Variants in UBE2G1 observed in about 807,000 individuals in gnomAD.
UBE2G1 encodes the protein ubiquitin-conjugating enzyme E2 G1.
A neutral mutation model predicts 22.7 loss-of-function variants in UBE2G1; 5 were observed. The observed-to-expected ratio is 0.22, with a 90% confidence interval of 0.12 to 0.46. UBE2G1 has a LOEUF of 0.46. UBE2G1 is among the 20% of genes least tolerant of loss of function. UBE2G1 has a pLI of 0.99. For synonymous variants in UBE2G1, 74 were observed against 67.5 expected (o/e 1.10, Z -0.47); for missense variants, 88 against 203.9 (o/e 0.43, Z 3.46).
intron 1 of UBE2G1, 91 bp from the exon 2 acceptor site, chr17:4,307,214 G>GT: frequency 2.6e-6 from 3 of 1,147,038 alleles, no homozygotes; most frequent in Non-Finnish European, 3.8e-6. Flanking sequence ...CATGTTTTAT[G>GT]TAAGTTTTAA....
Position 4,306,897 on chromosome 17 carries a change from G to A in UBE2G1, c.149+124C>T, listed in dbSNP as rs112438734. The A allele has an allele frequency of 9.1e-4, 662 of 728,156 alleles. 1 individual carries two copies. In the African/African-American group the frequency reaches 0.01, roughly 11 times the overall value. The allele number at this position is 728,156 out of a possible 1,614,324, so 45.1% of individuals were successfully genotyped here. ...GAACTCCTGACCTCATGATCGGCCC[G>A]CCTTGGCCTCCCAAAGTGCTGGGAT... On this transcript the variant is annotated intron_variant, in intron 2 of 5. Transcript: ENST00000396981.
At chr17:4,360,838 G>A (rs910206914) in intron 1 of UBE2G1, among the ~76,000 whole-genome samples, 1 of 152,174 alleles carries the variant, frequency 6.6e-6, no homozygotes, top group Admixed American at 6.5e-5. Flanking sequence ...TTGAACCTGG[G>A]GAGGCGGAGG....
At chr17:4,341,103 C>T (rs1263833958) in intron 1 of UBE2G1, among the ~76,000 whole-genome samples, 2 of 150,048 alleles carry the variant, frequency 1.3e-5, no homozygotes, top group Non-Finnish European at 3.0e-5. Flanking sequence ...ACTGAGCCAT[C>T]TGGCTCAAAT....
chr17:4,338,272 A>G (rs1447347766), intron 1 of UBE2G1, among the ~76,000 whole-genome samples: 1 of 152,326 alleles, frequency 6.6e-6, no homozygotes, highest in East Asian at 1.9e-4. Flanking sequence ...ATATGAAATT[A>G]GGGACTGAAA....
rs1047286982 is a variant in UBE2G1, at chr17:4,294,437, A to G, written c.247+2280T>C. 9.0e-4 allele frequency among the ~76,000 whole-genome samples: 64 copies of G among 71,334 alleles called. 1 individual carries two copies. Among genetic ancestry groups the G allele is most frequent in the African/African-American group, 2.9e-3 (51 of 17,296 alleles). 46.8% of individuals were successfully genotyped at this position (71,334 alleles called of 152,430 possible). A position where few individuals can be genotyped will look rare whatever the true frequency, so the allele number is the denominator to read the frequency against. On this transcript the variant is annotated intron_variant, in intron 3 of 5. Coordinates refer to ENST00000396981, the MANE Select transcript of UBE2G1 (RefSeq NM_003342.5). ...TCTCAAAAAAAAAAAAAAAAAAAAA[A>G]AAAGAAAGAAACGAAAAGAAAAGAA...
At chr17:4,280,568 T>C (rs1968876247) in intron 5 of UBE2G1, among the ~76,000 whole-genome samples, 1 of 151,664 alleles carries the variant, frequency 6.6e-6, no homozygotes, top group African/African-American at 2.4e-5. Context: ...AGGCTGGTCT[T>C]GTAAGTGATC....
chr17:4,303,581 C>T (rs1025269693), intron 2 of UBE2G1, among the ~76,000 whole-genome samples: 1 of 152,092 alleles, frequency 6.6e-6, no homozygotes, highest in African/African-American at 2.4e-5. Context: ...TGTTCTTGAA[C>T]ACTACGTGAT....
At chr17:4,361,049 C>T (rs982212536) in intron 1 of UBE2G1, among the ~76,000 whole-genome samples, 1 of 151,540 alleles carries the variant, frequency 6.6e-6, no homozygotes, top group Non-Finnish European at 1.5e-5. Context: ...ACGGCGAAAC[C>T]CTGTCTCAAC....
At chr17:4,359,851 C>CAAAA (rs35941094) in intron 1 of UBE2G1, among the ~76,000 whole-genome samples, 1 of 107,500 alleles carries the variant, frequency 9.3e-6, no homozygotes. Flanking sequence ...GGCTCCATCT[C>CAAAA]AAAAAAAAAA....
chr17:4,289,133 ATG>A, intron 4 of UBE2G1, 95 bp downstream of exon 4: 2 of 993,684 alleles, frequency 2.0e-6, no homozygotes, highest in African/African-American at 3.3e-5. Context: ...ACACACACGC[ATG>A]CATACATTCA....
intron 1 of UBE2G1, among the ~76,000 whole-genome samples, chr17:4,347,493 G>C (rs1338687921): frequency 2.3e-5 from 1 of 44,250 alleles, no homozygotes; most frequent in African/African-American, 2.8e-4. Context: ...TTTTTTTTTG[G>C]ACATAGAGTC....
At chr17:4,316,998 G>T (rs1367567861) in intron 1 of UBE2G1, among the ~76,000 whole-genome samples, 2 of 151,690 alleles carry the variant, frequency 1.3e-5, no homozygotes, top group Non-Finnish European at 2.9e-5. Flanking sequence ...GAACACTTTG[G>T]GAGGCCGAGG....
chr17:4,307,884 C>G (rs1186383993), intron 1 of UBE2G1, among the ~76,000 whole-genome samples: 1 of 152,166 alleles, frequency 6.6e-6, no homozygotes, highest in African/African-American at 2.4e-5. Context: ...TGGGGGCACA[C>G]AGGCCAAGAC....
chr17:4,306,947 GC>G (rs1361624730), intron 2 of UBE2G1, 73 bp downstream of exon 2: 3 of 1,419,420 alleles, frequency 2.1e-6, no homozygotes, highest in Non-Finnish European at 2.0e-6. Context: ...ACCGTGCCCA[GC>G]CTGCCAAAAT....
intron 1 of UBE2G1, among the ~76,000 whole-genome samples, chr17:4,313,851 T>C (rs1598190737): frequency 1.3e-5 from 2 of 152,172 alleles, no homozygotes; most frequent in Admixed American, 1.3e-4. Flanking sequence ...GAAATCACTG[T>C]GGGCCAGAGT....
chr17:4,335,882 T>C (rs908876721), intron 1 of UBE2G1, among the ~76,000 whole-genome samples: 1 of 152,056 alleles, frequency 6.6e-6, no homozygotes, highest in African/African-American at 2.4e-5. Context: ...ACTGTAGCTC[T>C]CACCTATAAT....
chr17:4,285,282 C>A (rs988049130), intron 4 of UBE2G1, among the ~76,000 whole-genome samples: 2 of 151,418 alleles, frequency 1.3e-5, no homozygotes, highest in Non-Finnish European at 2.9e-5. Context: ...AACCTAAGTA[C>A]AATGGGGAAA....
At chr17:4,333,085 G>GA (rs1252792783) in intron 1 of UBE2G1, among the ~76,000 whole-genome samples, 1 of 152,100 alleles carries the variant, frequency 6.6e-6, no homozygotes, top group Non-Finnish European at 1.5e-5. Flanking sequence ...ATCACTTTAG[G>GA]AAAAAGCCAT....
intron 1 of UBE2G1, among the ~76,000 whole-genome samples, chr17:4,341,563 G>A (rs1165506359): frequency 2.0e-5 from 3 of 152,036 alleles, no homozygotes; most frequent in Non-Finnish European, 4.4e-5. Context: ...CATGCCACTA[G>A]CAATTCTCCA....
Sources: allele counts gnomAD v4.1 joint callset (sites outside exome capture counted in the v4.1 genomes callset), GRCh38; gene constraint gnomAD v4.1.1; transcripts MANE v1.5; gene names NCBI Gene and HGNC (gene_info 2026-07-23, HGNC 2026-07-21).